The following SKA2 variants were observed in gnomAD, a reference collection of about 807,000 sequenced individuals.
The protein encoded by SKA2 is spindle and kinetochore associated complex subunit 2.
SKA2 carries 13 observed loss-of-function variants against 16.9 expected under a neutral mutation model. The ratio of observed to expected loss-of-function variants is 0.77; its 90% confidence interval spans 0.50 to 1.22. The LOEUF (loss-of-function observed/expected upper bound fraction) is 1.22, where lower values mean the gene tolerates loss of function less well. SKA2 is among the 50% of genes most tolerant of loss of function. The pLI, the probability that SKA2 is intolerant of heterozygous loss-of-function variation, is 0.00. For missense variants in SKA2, 107 were observed against 139.7 expected, an observed-to-expected ratio of 0.77 and a Z score of 1.18; for synonymous variants, 47 against 48.5, an observed-to-expected ratio of 0.97 and a Z score of 0.13.
intron 1 of SKA2, among the ~76,000 whole-genome samples, chr17:59,146,492 C>A (rs2046533496): frequency 6.6e-6 from 1 of 152,012 alleles, no homozygotes; most frequent in Non-Finnish European, 1.5e-5. Context: ...GAGTGAGACT[C>A]TGTCTCAAAA....
intron 3 of SKA2, among the ~76,000 whole-genome samples, chr17:59,115,216 G>A (rs1434258249): frequency 6.6e-6 from 1 of 151,838 alleles, no homozygotes; most frequent in Non-Finnish European, 1.5e-5. Flanking sequence ...ACCATGCCTG[G>A]CTAATTTTTT....
intron 2 of SKA2, 53 bp downstream of exon 2, chr17:59,131,228 A>G: frequency 2.4e-6 from 3 of 1,254,718 alleles, no homozygotes; most frequent in Non-Finnish European, 3.4e-6. Context: ...AGAAAATTCT[A>G]AAGTATTCAG....
At chr17:59,128,203 A>G (rs529478205) in intron 2 of SKA2, among the ~76,000 whole-genome samples, 1 of 151,950 alleles carries the variant, frequency 6.6e-6, no homozygotes, top group East Asian at 1.9e-4. Context: ...GGACAGAGCA[A>G]GACTCCATCT....
chr17:59,127,960 G>A (rs570558701), intron 2 of SKA2, among the ~76,000 whole-genome samples: 3 of 152,156 alleles, frequency 2.0e-5, no homozygotes, highest in African/African-American at 7.2e-5. Flanking sequence ...GCTCACACCT[G>A]TAATCCCAGC....
At chr17:59,112,379 AACTTTCAAAG>A in intron 3 of SKA2, 34 bp from the exon 4 acceptor site, 2 of 1,548,552 alleles carry the variant, frequency 1.3e-6, no homozygotes, top group Non-Finnish European at 1.8e-6. Flanking sequence ...TTATTTCAAA[AACTTTCAAAG>A]ACTTAAATCA....
intron 3 of SKA2, among the ~76,000 whole-genome samples, chr17:59,118,965 G>T (rs1193562664): frequency 6.6e-6 from 1 of 152,096 alleles, no homozygotes; most frequent in Non-Finnish European, 1.5e-5. Context: ...TTTCTGCCAT[G>T]TCCAGACACA....
At chr17:59,135,733 G>GA (rs2046439944) in intron 1 of SKA2, among the ~76,000 whole-genome samples, 1 of 148,512 alleles carries the variant, frequency 6.7e-6, no homozygotes, top group South Asian at 2.1e-4. Flanking sequence ...CACCCATCCT[G>GA]AAAAAATATA....
At chr17:59,121,254 G>A (rs1568302272) in intron 2 of SKA2, among the ~76,000 whole-genome samples, 1 of 151,890 alleles carries the variant, frequency 6.6e-6, no homozygotes, top group Non-Finnish European at 1.5e-5. Flanking sequence ...TCCTCAGGAA[G>A]CGTCTAAATG....
At position 59,110,413 on chromosome 17, in the gene SKA2, A is replaced by T. The variant is rs2046255894; in HGVS notation, c.*1864T>A. On this transcript the variant is annotated 3_prime_UTR_variant, in exon 4 of 4. Coordinates refer to ENST00000330137, the MANE Select transcript of SKA2 (RefSeq NM_182620.4). ...CATCATCACATCCCAGAGCCATCTC[A>T]TGACAAGAGCTTTCTAAATACTAAT... 6.6e-6 allele frequency: 1 copy of T among 152,174 alleles called. No homozygotes were observed. 9.4% of individuals were successfully genotyped at this position (152,174 alleles called of 1,614,324 possible).
chr17:59,148,808 CAAAAAAAAA>C (rs758187008), intron 1 of SKA2, among the ~76,000 whole-genome samples: 2 of 47,582 alleles, frequency 4.2e-5, no homozygotes, highest in African/African-American at 1.6e-4. Context: ...GACCCTGTCT[CAAAAAAAAA>C]AAAAAAAAAA....
chr17:59,141,354 AC>A (rs2046487832), intron 1 of SKA2, among the ~76,000 whole-genome samples: 1 of 152,010 alleles, frequency 6.6e-6, no homozygotes, highest in East Asian at 1.9e-4. Flanking sequence ...CCGAGATCGC[AC>A]CACTGCATTG....
At chr17:59,117,019 G>C (rs2046301250) in intron 3 of SKA2, among the ~76,000 whole-genome samples, 1 of 151,852 alleles carries the variant, frequency 6.6e-6, no homozygotes, top group Admixed American at 6.6e-5. Context: ...GTTTCACCAT[G>C]TCAGCCAGGA....
At chr17:59,113,528 C>CA (rs2046277012) in intron 3 of SKA2, among the ~76,000 whole-genome samples, 1 of 147,016 alleles carries the variant, frequency 6.8e-6, no homozygotes, top group Admixed American at 6.9e-5. Context: ...CTAAATCACA[C>CA]AAAAAAAGAA....
chr17:59,151,535 A>G (rs2046577654), intron 1 of SKA2, among the ~76,000 whole-genome samples: 1 of 152,224 alleles, frequency 6.6e-6, no homozygotes, highest in Non-Finnish European at 1.5e-5. Flanking sequence ...AAAACCAGTT[A>G]TAATTACTAC....
chr17:59,133,097 T>C (rs1352757318), intron 1 of SKA2, among the ~76,000 whole-genome samples: 2 of 152,164 alleles, frequency 1.3e-5, no homozygotes, highest in Non-Finnish European at 2.9e-5. Flanking sequence ...CCTACCTCCT[T>C]CCGAGTGCAC....
At chr17:59,129,919 GGGAA>G (rs368205069) in intron 2 of SKA2, among the ~76,000 whole-genome samples, 2,240 of 133,904 alleles carry the variant, frequency 0.017, 42 homozygotes, top group African/African-American at 0.054. Flanking sequence ...GAGGGAGGGA[GGGAA>G]GGAAGGAAGG....
intron 1 of SKA2, chr17:59,137,714 C>T (rs1445368404): frequency 2.0e-6 from 1 of 508,760 alleles, no homozygotes; most frequent in Admixed American, 2.2e-5. Context: ...TTGTTTTCTT[C>T]CTAAAGATGA....
chr17:59,149,782 G>C (rs922541537), intron 1 of SKA2, among the ~76,000 whole-genome samples: 2 of 152,174 alleles, frequency 1.3e-5, no homozygotes, highest in Non-Finnish European at 2.9e-5. Context: ...CAAGAAGCCA[G>C]ACACAAAAGA....
intron 2 of SKA2, among the ~76,000 whole-genome samples, chr17:59,121,909 T>C (rs1174411363): frequency 2.0e-5 from 3 of 147,304 alleles, no homozygotes; most frequent in Non-Finnish European, 4.5e-5. Context: ...GAGGCAGAGG[T>C]TGTAGTGATC....
Sources: allele counts gnomAD v4.1 joint callset (sites outside exome capture counted in the v4.1 genomes callset), GRCh38; gene constraint gnomAD v4.1.1; transcripts MANE v1.5; gene names NCBI Gene and HGNC (gene_info 2026-07-23, HGNC 2026-07-21).